Variants in HECA observed in about 807,000 individuals in gnomAD.
HECA encodes headcase protein homolog.
A neutral mutation model predicts 37.6 loss-of-function variants in HECA; 13 were observed. That is an observed-to-expected ratio of 0.35 (90% CI 0.23 to 0.55). HECA has a LOEUF of 0.55. Ranked by LOEUF, HECA falls within the 20% of genes least tolerant of loss-of-function variation. The pLI is 0.90. For missense variants in HECA, 527 were observed against 701.9 expected, an observed-to-expected ratio of 0.75 and a Z score of 2.82; for synonymous variants, 307 against 291.5, an observed-to-expected ratio of 1.05 and a Z score of -0.54.
In HECA at chr6:139,135,555, G is replaced by GGCGGCGGGCGCGCCGGGCGCCGGAGGC. The variant is rs1221574598; in HGVS notation, c.171_197dup (p.Pro58_Ala66dup). ...CGGCGGCGGCCGGTTGCGGGGCGGC[G>GGCGGCGGGCGCGCCGGGCGCCGGAGGC]GCGGCGGGCGCGCCGGGCGCCGGAG... On this transcript the variant is annotated inframe_insertion, in exon 1 of 4. Transcript: ENST00000367658. The GGCGGCGGGCGCGCCGGGCGCCGGAGGC allele has an allele frequency of 5.2e-5, 51 of 976,032 alleles. No individual in the cohort carries two copies. Among genetic ancestry groups the GGCGGCGGGCGCGCCGGGCGCCGGAGGC allele is most frequent in the East Asian group, 2.3e-4 (2 of 8,524 alleles). The allele number at this position is 976,032 out of a possible 1,614,324, so 60.5% of individuals were successfully genotyped here. A position where few individuals can be genotyped will look rare whatever the true frequency, so the allele number is the denominator to read the frequency against.
intron 1 of HECA, among the ~76,000 whole-genome samples, chr6:139,161,293 C>T (rs1251978696): frequency 6.6e-6 from 1 of 152,098 alleles, no homozygotes; most frequent in African/African-American, 2.4e-5. Context: ...ATTTAACATG[C>T]TCTTGGCTTT....
At chr6:139,145,419 T>C (rs1433071561) in intron 1 of HECA, among the ~76,000 whole-genome samples, 2 of 152,186 alleles carry the variant, frequency 1.3e-5, no homozygotes, top group African/African-American at 4.8e-5. Flanking sequence ...AGAAAGATAC[T>C]AAGAGGAAGC....
rs1774420742 is a variant in HECA, at chr6:139,135,526, C to T, written c.130C>T (p.Leu44=). 4.0e-6 allele frequency: 4 copies of T among 992,474 alleles called. No homozygotes were observed. The highest frequency in any genetic ancestry group is 4.8e-6 in the Non-Finnish European group (4 of 835,974). 61.5% of individuals were successfully genotyped at this position (992,474 alleles called of 1,614,324 possible). A position where few individuals can be genotyped will look rare whatever the true frequency, so the allele number is the denominator to read the frequency against. The part of the protein sequence containing the change: ...GAAGAAAGGA[L]AAAAGCGAAA... ...GGCGGGAGCGGCGGCCGGGGGGGCC[C>T]TGGCGGCGGCGGCCGGTTGCGGGGC... is the stretch of plus-strand genomic sequence containing the variant. Residue 44 remains leucine (L), a synonymous_variant, in exon 1 of 4, where the codon CTG becomes TTG. Coordinates refer to ENST00000367658, the MANE Select transcript of HECA (RefSeq NM_016217.3).
Position 139,174,108 on chromosome 6 carries a change from C to A in HECA, c.1313-277C>A, listed in dbSNP as rs145724825. Among the ~76,000 whole-genome samples the A allele has an allele frequency of 3.6e-3, 547 of 152,242 alleles. 3 individuals are homozygous for A. The highest frequency in any genetic ancestry group is 0.013 in the African/African-American group (525 of 41,524). On this transcript the variant is annotated intron_variant, in intron 2 of 3. Coordinates refer to ENST00000367658, the MANE Select transcript of HECA (RefSeq NM_016217.3). ...GCTTTGTTACTTGAATTTGGATGGA[C>A]CCATTATGTAAGCCCAGCAGCCCTT...
chr6:139,152,549 T>C (rs970545931), intron 1 of HECA, among the ~76,000 whole-genome samples: 2 of 152,186 alleles, frequency 1.3e-5, no homozygotes, highest in Non-Finnish European at 2.9e-5. Context: ...TGTAATTGCC[T>C]TGTGCTCAAT....
chr6:139,150,399 A>G (rs1441547678), intron 1 of HECA, among the ~76,000 whole-genome samples: 1 of 151,950 alleles, frequency 6.6e-6, no homozygotes, highest in East Asian at 1.9e-4. Context: ...GGAATAAATC[A>G]GTTTTCCTCA....
At chr6:139,167,973 T>G (rs1774916728) in intron 2 of HECA, among the ~76,000 whole-genome samples, 1 of 152,210 alleles carries the variant, frequency 6.6e-6, no homozygotes, top group Non-Finnish European at 1.5e-5. Flanking sequence ...CATGTACAAC[T>G]ACTGAACTTC....
chr6:139,138,670 G>A (rs1262807468), intron 1 of HECA, among the ~76,000 whole-genome samples: 3 of 152,154 alleles, frequency 2.0e-5, no homozygotes, highest in Admixed American at 6.5e-5. Context: ...GGAGAGCTTG[G>A]GGAAGCCGCG....
intron 1 of HECA, among the ~76,000 whole-genome samples, chr6:139,151,832 G>A (rs1313223051): frequency 6.6e-6 from 1 of 152,154 alleles, no homozygotes; most frequent in African/African-American, 2.4e-5. Context: ...ACTACAATCT[G>A]GTTACGCAAA....
chr6:139,149,228 G>A (rs1275162972), intron 1 of HECA, among the ~76,000 whole-genome samples: 1 of 152,114 alleles, frequency 6.6e-6, no homozygotes, highest in African/African-American at 2.4e-5. Context: ...CTGTGATTTG[G>A]AAGAGGTTTC....
At chr6:139,150,433 T>C (rs1363278028) in intron 1 of HECA, among the ~76,000 whole-genome samples, 1 of 151,156 alleles carries the variant, frequency 6.6e-6, no homozygotes, top group Non-Finnish European at 1.5e-5. Context: ...TGTTCTGTGA[T>C]ATATGTGATC....
At chr6:139,137,117 A>G (rs1049541285) in intron 1 of HECA, among the ~76,000 whole-genome samples, 3 of 152,188 alleles carry the variant, frequency 2.0e-5, no homozygotes, top group African/African-American at 7.2e-5. Flanking sequence ...TGAATGTTTC[A>G]GAATACTAGT....
rs1365190188 is a variant in HECA at position 139,166,702 on chromosome 6, G to A, written c.690G>A (p.Lys230=). 1 of 1,612,132 alleles carries A rather than the reference G, an allele frequency of 6.2e-7. No homozygotes were observed. The highest frequency in any genetic ancestry group is 8.5e-7 in the Non-Finnish European group (1 of 1,179,186). Residue 230 remains lysine (K), a synonymous_variant, in exon 2 of 4, where the codon AAG becomes AAA. Transcript: ENST00000367658. ...EEAKKCRPPN[K]PQKGPSHDLP... is the part of the protein sequence containing the mutation. ...CAAAAAAGTGCAGGCCCCCAAATAA[G>A]CCCCAGAAAGGCCCAAGCCACGACC...
chr6:139,163,926 TC>T (rs1774843196), intron 1 of HECA, among the ~76,000 whole-genome samples: 1 of 152,098 alleles, frequency 6.6e-6, no homozygotes, highest in Non-Finnish European at 1.5e-5. Flanking sequence ...AATTCATGTC[TC>T]CTCCACCTCA....
At chr6:139,174,689 T>A in intron 3 of HECA, 150 bp downstream of exon 3, 1 of 1,138,030 alleles carries the variant, frequency 8.8e-7, no homozygotes, top group South Asian at 1.7e-5. Flanking sequence ...TTTAGTGGAA[T>A]ACTATTCAGT....
At position 139,167,045 on chromosome 6, in the gene HECA, C is replaced by T. The variant is rs757761408; in HGVS notation, c.1033C>T (p.Arg345Trp). 5.6e-6 allele frequency: 9 copies of T among 1,614,174 alleles called. No homozygotes were observed. Among genetic ancestry groups the T allele is most frequent in the East Asian group, 2.2e-5 (1 of 44,870 alleles). Reference protein sequence around the residue: ...GHFDTPVQFLRRLDLSELLTH... With the variant: ...GHFDTPVQFLWRLDLSELLTH... The stretch of plus-strand genomic sequence containing the variant: ...CTTCGACACCCCCGTGCAGTTCCTT[C>T]GGCGGCTGGACCTCTCCGAACTCCT... The change falls in exon 2 of 4, where the codon CGG (arginine) becomes TGG (tryptophan). Residue 345 changes from arginine to tryptophan, a missense_variant. Coordinates refer to ENST00000367658, the MANE Select transcript of HECA (RefSeq NM_016217.3).
rs745616016 is a variant in HECA, at chr6:139,167,344, T to C, written c.1312+20T>C. ...TTCAAGGTATAGGTGTTAATTCACC[T>C]TGCCTGCTTTCTGTTTGTTAAAAAC... On this transcript the variant is annotated intron_variant, in intron 2 of 3. Transcript: ENST00000367658. 1 of 1,514,234 alleles carries C rather than the reference T, an allele frequency of 6.6e-7. No individual in the cohort carries two copies. The highest frequency in any genetic ancestry group is 1.2e-5 in the South Asian group (1 of 81,708). The allele number at this position is 1,514,234 out of a possible 1,614,324, so 93.8% of individuals were successfully genotyped here. A position where few individuals can be genotyped will look rare whatever the true frequency, so the allele number is the denominator to read the frequency against.
intron 1 of HECA, among the ~76,000 whole-genome samples, chr6:139,146,678 C>G (rs1379491553): frequency 6.6e-6 from 1 of 152,152 alleles, no homozygotes; most frequent in East Asian, 1.9e-4. Flanking sequence ...TGCCAGAAGC[C>G]ATGAAGAGGG....
chr6:139,175,865 T>C (rs1775045220), intron 3 of HECA, among the ~76,000 whole-genome samples: 5 of 152,210 alleles, frequency 3.3e-5, no homozygotes, highest in Admixed American at 2.0e-4. Flanking sequence ...ATTTCTTCCT[T>C]AAAACAATTG....
Sources: gnomAD v4.1 joint callset for allele counts (sites outside exome capture counted in the v4.1 genomes callset) on GRCh38, gnomAD v4.1.1 for gene constraint, MANE v1.5 for transcripts, NCBI Gene and HGNC (gene_info 2026-07-23, HGNC 2026-07-21) for gene names.